The following CEP290 variants were observed in gnomAD, a reference collection of about 807,000 sequenced individuals.
CEP290 encodes centrosomal protein of 290 kDa.
In CEP290, 317 loss-of-function variants were observed where a neutral mutation model predicts 344.9. The ratio of observed to expected loss-of-function variants is 0.92; its 90% CI spans 0.84 to 1.01. The LOEUF is 1.01. CEP290 is among the 50% of genes least tolerant of loss of function. The pLI, the probability that CEP290 is intolerant of heterozygous loss-of-function variation, is 0.00. For synonymous variants in CEP290, 932 were observed against 895.8 expected (o/e 1.04, Z -0.72); for missense variants, 2,754 against 2,761.4 (o/e 1.00, Z 0.06).
At chr12:88,080,035 CTTGT>C (rs1372895333) in intron 38 of CEP290, 143 bp downstream of exon 38, 6 of 588,828 alleles carry the variant, frequency 1.0e-5, no homozygotes, top group African/African-American at 5.6e-5. Context: ...TCTAAAATAC[CTTGT>C]TTAACAGCAT....
Position 88,106,825 on chromosome 12 carries a change from C to A in CEP290, c.2667G>T (p.Leu889Phe), listed in dbSNP as rs142038791. ...LAENSRKITV[L>F]QVNEKSLIRQ... The stretch of plus-strand genomic sequence containing the variant: ...TTATAAGTGATTTTTCATTCACTTG[C>A]AAAACAGTAATTTTCCTACTATTTT... The change falls in exon 25 of 54, where the codon TTG becomes TTT. Residue 889 changes from leucine to phenylalanine, a missense_variant. Physicochemically the swap from Leu to Phe is conservative, Grantham distance 22 (BLOSUM62 0). Transcript: ENST00000552810. The A allele has an allele frequency of 8.6e-5, 138 of 1,608,464 alleles. No individual in the cohort carries two copies. The African/African-American group carries it at 1.7e-3, about 20-fold the overall frequency.
intron 39 of CEP290, among the ~76,000 whole-genome samples, chr12:88,078,196 C>T (rs558364225): frequency 2.3e-4 from 35 of 150,270 alleles, no homozygotes; most frequent in African/African-American, 7.6e-4. Flanking sequence ...CAAATATGCA[C>T]GTTTCATTTT....
In CEP290 at chr12:88,131,468, A is replaced by G. The variant is rs143450226; in HGVS notation, c.442-250T>C. On this transcript the variant is annotated intron_variant, in intron 6 of 53. Transcript: ENST00000552810. Reference sequence around the variant, plus strand: ...AGTAGAGACGGGGTTTCACTGTGTTAGCCAGGCTGGTCTTGAACTCCTGGC... The same window carrying G: ...AGTAGAGACGGGGTTTCACTGTGTTGGCCAGGCTGGTCTTGAACTCCTGGC... 7.5e-3 allele frequency among the ~76,000 whole-genome samples: 1,140 copies of G among 152,070 alleles called. 20 individuals are homozygous for G. Among genetic ancestry groups the G allele is most frequent in the African/African-American group, 0.026 (1,094 of 41,482 alleles).
chr12:88,132,055 A>G (rs2138132176), intron 6 of CEP290, among the ~76,000 whole-genome samples: 1 of 152,370 alleles, frequency 6.6e-6, no homozygotes, highest in South Asian at 2.1e-4. Flanking sequence ...ACATGCTGAC[A>G]TAAGAGTTAA....
rs1444244014 is a variant in CEP290 at position 88,089,183 on chromosome 12, A to G, written c.3878T>C (p.Leu1293Pro). Residue 1293 changes from leucine (L) to proline (P), a missense_variant, in exon 31 of 54, where the codon CTA (leucine) becomes CCA (proline). Transcript: ENST00000552810. ...CATTATCTTAAGTTTGTCATTTTGT[A>G]GTTGAATCATTGTTTTGGAGAACTT... is the stretch of plus-strand genomic sequence containing the variant. ...QEKFSKTMIQ[L>P]QNDKLKIMQE... The G allele has an allele frequency of 1.2e-6, 2 of 1,612,682 alleles. No homozygotes were observed. Among genetic ancestry groups the G allele is most frequent in the Admixed American group, 3.3e-5 (2 of 59,834 alleles).
At position 88,059,924 on chromosome 12, in the gene CEP290, C is replaced by T. The variant is rs753886807; in HGVS notation, c.6619G>A (p.Glu2207Lys). ...TTTTTAAGTTCTTTACGAAGCCTTTCATTTTCAGCAATAATTTTTTCTGTG... is the reference window on the plus strand; with the variant it reads ...TTTTTAAGTTCTTTACGAAGCCTTTTATTTTCAGCAATAATTTTTTCTGTG... ...KGTEKIIAENERLRKELKKET... is the reference protein window; with the variant it reads ...KGTEKIIAENKRLRKELKKET... The change falls in exon 48 of 54, where the codon GAA (glutamate) becomes AAA (lysine). Residue 2207 changes from glutamate (E) to lysine (K), a missense_variant. Coordinates refer to ENST00000552810, the MANE Select transcript of CEP290 (RefSeq NM_025114.4). The T allele has an allele frequency of 1.3e-6, 2 of 1,594,116 alleles. No homozygotes were observed. The highest frequency in any genetic ancestry group is 1.7e-6 in the Non-Finnish European group (2 of 1,170,594).
intron 6 of CEP290, among the ~76,000 whole-genome samples, chr12:88,132,555 T>C (rs912529848): frequency 3.3e-5 from 5 of 152,202 alleles, no homozygotes; most frequent in African/African-American, 9.6e-5. Flanking sequence ...AAGTGCAAAG[T>C]ATCATATCTG....
chr12:88,106,591 G>T, intron 25 of CEP290, 84 bp downstream of exon 25: 1 of 785,244 alleles, frequency 1.3e-6, no homozygotes, highest in Non-Finnish European at 2.0e-6. Context: ...TAATTCAGGT[G>T]ATGAGCATTA....
intron 26 of CEP290, among the ~76,000 whole-genome samples, chr12:88,101,608 C>T (rs567021888): frequency 2.4e-4 from 36 of 149,724 alleles, no homozygotes; most frequent in African/African-American, 7.6e-4. Flanking sequence ...AGCGTTAAGC[C>T]GAGATCGTGC....
rs182791259 is a variant in CEP290, at chr12:88,060,618, A to G, written c.6522+212T>C. On this transcript the variant is annotated intron_variant, in intron 47 of 53. Coordinates refer to ENST00000552810, the MANE Select transcript of CEP290 (RefSeq NM_025114.4). ...ATCTATGCTGTCAGAGAGAAAAGTG[A>G]AAAGTATTGGTCTTGAAATAACAAG... Among the ~76,000 whole-genome samples the G allele has an allele frequency of 3.3e-3, 500 of 152,238 alleles. 5 individuals carry two copies. Among genetic ancestry groups the G allele is most frequent in the Admixed American group, 0.028 (425 of 15,282 alleles).
chr12:88,079,636 T>G (rs1266179569), intron 38 of CEP290, among the ~76,000 whole-genome samples: 2 of 152,106 alleles, frequency 1.3e-5, no homozygotes, highest in East Asian at 3.8e-4. Context: ...ACCCATAAAT[T>G]TCATAGCTAG....
chr12:88,058,123 T>C (rs533408207), intron 49 of CEP290: 1 of 152,114 alleles, frequency 6.6e-6, no homozygotes, highest in Non-Finnish European at 1.5e-5. Context: ...AAATTGGAAA[T>C]GAGAATGACA....
chr12:88,111,305 C>A lies in CEP290; in HGVS notation c.2264G>T (p.Gly755Val), dbSNP rs764190376. Residue 755 changes from glycine (G) to valine (V), a missense_variant, in exon 22 of 54, where the codon GGA (glycine) becomes GTA (valine). By Grantham distance (109) the Gly-to-Val change is moderately radical. Coordinates refer to ENST00000552810, the MANE Select transcript of CEP290 (RefSeq NM_025114.4). ...KETSLLRQSEGSNVVFKGIDL... is the reference protein window; with the variant it reads ...KETSLLRQSEVSNVVFKGIDL... Reference sequence around the variant, plus strand: ...AATTCCTTTAAAAACAACATTTGATCCTTCTGATTGTCGTAAAAGACTAGT... The same window carrying A: ...AATTCCTTTAAAAACAACATTTGATACTTCTGATTGTCGTAAAAGACTAGT... The A allele has an allele frequency of 1.3e-6, 2 of 1,561,116 alleles. No individual in the cohort carries two copies.
At position 88,139,153 on chromosome 12, in the gene CEP290, C is replaced by T; in HGVS notation, c.289G>A (p.Glu97Lys). The change falls in exon 5 of 54, where the codon GAA becomes AAA. Residue 97 changes from glutamate (E) to lysine (K), a missense_variant. Glu to Lys is a moderately conservative substitution (Grantham distance 56). Coordinates refer to ENST00000552810, the MANE Select transcript of CEP290 (RefSeq NM_025114.4). Reference protein sequence around the residue: ...LKTKVMKLENELEMAQQSAGG... With the variant: ...LKTKVMKLENKLEMAQQSAGG... ...AATACAAAAAGACATACCTCCAGTT[C>T]ATTTTCCAGTTTCATTACTTTAGTT... 1 of 1,188,932 alleles carries T rather than the reference C, an allele frequency of 8.4e-7. No individual in the cohort carries two copies. Among genetic ancestry groups the T allele is most frequent in the South Asian group, 1.7e-5 (1 of 57,870 alleles). 73.6% of individuals were successfully genotyped at this position (1,188,932 alleles called of 1,614,324 possible). A position where few individuals can be genotyped will look rare whatever the true frequency, so the allele number is the denominator to read the frequency against.
At chr12:88,124,877 T>C (rs1159250991) in intron 13 of CEP290, among the ~76,000 whole-genome samples, 1 of 152,058 alleles carries the variant, frequency 6.6e-6, no homozygotes, top group Non-Finnish European at 1.5e-5. Flanking sequence ...TAATGTGAAA[T>C]TACCTCTGAA....
chr12:88,076,853 C>T (rs2035814736), intron 41 of CEP290, among the ~76,000 whole-genome samples: 1 of 151,906 alleles, frequency 6.6e-6, no homozygotes, highest in East Asian at 1.9e-4. Flanking sequence ...ATCTTTCTGT[C>T]CCAAAAGTCA....
chr12:88,073,019 C>T (rs2035499889), intron 41 of CEP290, among the ~76,000 whole-genome samples: 1 of 151,994 alleles, frequency 6.6e-6, no homozygotes, highest in Admixed American at 6.6e-5. Context: ...ATAAAGGAGC[C>T]AAAGAAAGCC....
chr12:88,098,813 T>C (rs758199435), intron 26 of CEP290, among the ~76,000 whole-genome samples: 3 of 152,028 alleles, frequency 2.0e-5, no homozygotes, highest in East Asian at 1.9e-4. Context: ...TACTATAAGA[T>C]CTGAGAGGAA....
At chr12:88,060,543 A>G (rs1306988224) in intron 47 of CEP290, among the ~76,000 whole-genome samples, 1 of 152,046 alleles carries the variant, frequency 6.6e-6, no homozygotes, top group Non-Finnish European at 1.5e-5. Flanking sequence ...CTGGGTGACA[A>G]AGCAGTACTC....
Sources: gnomAD v4.1 joint callset for allele counts (sites outside exome capture counted in the v4.1 genomes callset) on GRCh38, gnomAD v4.1.1 for gene constraint, MANE v1.5 for transcripts, NCBI Gene and HGNC (gene_info 2026-07-23, HGNC 2026-07-21) for gene names.